PCDHA2: variants seen among roughly 807,000 people sequenced by gnomAD.
PCDHA2 encodes the protein protocadherin alpha-2.
PCDHA2 carries 58 observed loss-of-function variants against 66.0 expected under a neutral mutation model. The observed-to-expected ratio is 0.88, with a 90% CI of 0.71 to 1.09. The LOEUF (loss-of-function observed/expected upper bound fraction) is 1.09. PCDHA2 is among the 50% of genes least tolerant of loss of function. PCDHA2 has a pLI of 0.00. For synonymous variants in PCDHA2, 634 were observed against 554.0 expected (o/e 1.14, Z -2.03); for missense variants, 1,267 against 1,242.3 (o/e 1.02, Z -0.30).
intron 1 of PCDHA2, among the ~76,000 whole-genome samples, chr5:140,827,066 C>T (rs1769167179): frequency 6.6e-6 from 1 of 152,076 alleles, no homozygotes; most frequent in African/African-American, 2.4e-5. Context: ...TTGCTCATGC[C>T]TTGCTATTTA....
intron 1 of PCDHA2, among the ~76,000 whole-genome samples, chr5:140,976,583 G>A (rs1360171256): frequency 8.6e-5 from 13 of 151,966 alleles, no homozygotes; most frequent in African/African-American, 3.1e-4. Flanking sequence ...ATAAAACACA[G>A]ACTTTTGTGT....
At chr5:141,005,220 C>T (rs2098201724) in intron 3 of PCDHA2, among the ~76,000 whole-genome samples, 1 of 152,192 alleles carries the variant, frequency 6.6e-6, no homozygotes, top group Admixed American at 6.5e-5. Flanking sequence ...CAAGTATTTA[C>T]TAAACACCTG....
chr5:140,870,731 C>T (rs782095287), intron 1 of PCDHA2: 3 of 1,613,444 alleles, frequency 1.9e-6, no homozygotes, highest in Non-Finnish European at 2.5e-6. Context: ...GGCGTGCCGC[C>T]TCTGAGCAGC....
chr5:140,809,051 T>C (rs1764347128), intron 1 of PCDHA2: 1 of 1,613,758 alleles, frequency 6.2e-7, no homozygotes, highest in Non-Finnish European at 8.5e-7. Context: ...GCGCATCCCG[T>C]TCCGCGTGGG....
chr5:140,875,134 T>G (rs2055288976), intron 1 of PCDHA2, among the ~76,000 whole-genome samples: 1 of 152,238 alleles, frequency 6.6e-6, no homozygotes, highest in Admixed American at 6.5e-5. Flanking sequence ...TAAACCCGCA[T>G]TTATAAATGA....
intron 1 of PCDHA2, among the ~76,000 whole-genome samples, chr5:140,893,927 T>C (rs1251170255): frequency 1.3e-5 from 2 of 152,212 alleles, no homozygotes; most frequent in Non-Finnish European, 2.9e-5. Flanking sequence ...TTTCAGAATC[T>C]CTACCTGTTA....
At chr5:140,993,917 A>G (rs779939413) in intron 3 of PCDHA2, among the ~76,000 whole-genome samples, 1 of 152,190 alleles carries the variant, frequency 6.6e-6, no homozygotes, top group Admixed American at 6.5e-5. Flanking sequence ...CTAGTGATGC[A>G]TTTCTCAGAA....
chr5:140,828,231 G>A (rs1554131117), intron 1 of PCDHA2: 2 of 1,613,882 alleles, frequency 1.2e-6, no homozygotes, highest in Admixed American at 1.7e-5. Flanking sequence ...TTCGTGGGCC[G>A]GATCGCGCAG....
At position 140,847,060 on chromosome 5, in the gene PCDHA2, C is replaced by T. The variant is rs1457152734; in HGVS notation, c.2388+49708C>T. ...TAAGGAAAGTTGAAGACACAGAAAG[C>T]ATCAATATGACAAGTAGAAAAGTCC... On this transcript the variant is annotated intron_variant, in intron 1 of 3. Coordinates refer to ENST00000526136, the MANE Select transcript of PCDHA2 (RefSeq NM_018905.3). 1.3e-5 allele frequency among the ~76,000 whole-genome samples: 2 copies of T among 149,600 alleles called. 1 individual carries two copies. Among genetic ancestry groups the T allele is most frequent in the Non-Finnish European group, 3.0e-5 (2 of 66,898 alleles).
intron 1 of PCDHA2, among the ~76,000 whole-genome samples, chr5:140,917,183 A>T (rs2077937210): frequency 6.6e-6 from 1 of 152,132 alleles, no homozygotes; most frequent in African/African-American, 2.4e-5. Flanking sequence ...GTGATCCCAG[A>T]GTGTCTCTCC....
chr5:140,813,571 G>C (rs1008971816), intron 1 of PCDHA2: 1 of 152,176 alleles, frequency 6.6e-6, no homozygotes. Context: ...TGGAGACTGC[G>C]GGGCTGGAAA....
intron 1 of PCDHA2, among the ~76,000 whole-genome samples, chr5:140,903,665 G>A (rs2070490056): frequency 6.6e-6 from 1 of 152,156 alleles, no homozygotes; most frequent in African/African-American, 2.4e-5. Context: ...AAATTTAACT[G>A]ATATAAAAGA....
At chr5:140,833,033 G>T (rs892689957) in intron 1 of PCDHA2, among the ~76,000 whole-genome samples, 2 of 152,156 alleles carry the variant, frequency 1.3e-5, no homozygotes, top group Non-Finnish European at 2.9e-5. Flanking sequence ...GAGAGAGTGT[G>T]ATATAAAGCA....
intron 1 of PCDHA2, among the ~76,000 whole-genome samples, chr5:140,951,684 A>G (rs1392497741): frequency 3.3e-5 from 5 of 152,144 alleles, no homozygotes; most frequent in African/African-American, 1.2e-4. Flanking sequence ...GGGGATTACA[A>G]TGTGACATGA....
At chr5:140,984,704 G>A (rs2097116148) in intron 3 of PCDHA2, among the ~76,000 whole-genome samples, 1 of 152,032 alleles carries the variant, frequency 6.6e-6, no homozygotes, top group Non-Finnish European at 1.5e-5. Flanking sequence ...CTGCTTGGAG[G>A]GAATATGGCA....
chr5:140,884,183 G>A (rs201206731), intron 1 of PCDHA2: 1 of 1,613,424 alleles, frequency 6.2e-7, no homozygotes, highest in Non-Finnish European at 8.5e-7. Flanking sequence ...CCCTCTGGAC[G>A]AGGTGGACGC....
At chr5:140,862,769 C>A (rs782429555) in intron 1 of PCDHA2, 1 of 578,770 alleles carries the variant, frequency 1.7e-6, no homozygotes. Context: ...AAGAGGTACG[C>A]GTTGCAGCCA....
chr5:140,878,084 T>C (rs782330226), intron 1 of PCDHA2: 82 of 330,796 alleles, frequency 2.5e-4, no homozygotes, highest in Admixed American at 2.3e-4. Flanking sequence ...TATAATATTT[T>C]ATATGACTGA....
At chr5:140,807,766 G>T (rs373032787) in intron 1 of PCDHA2, 3 of 1,614,038 alleles carry the variant, frequency 1.9e-6, no homozygotes, top group Admixed American at 1.7e-5. Context: ...AAGGTCTTGG[G>T]CTTATATTAC....
Sources: allele counts gnomAD v4.1 joint callset (sites outside exome capture counted in the v4.1 genomes callset), GRCh38; gene constraint gnomAD v4.1.1; transcripts MANE v1.5; gene names NCBI Gene and HGNC (gene_info 2026-07-23, HGNC 2026-07-21).